DOCK9: variants seen among roughly 807,000 people sequenced by gnomAD.
DOCK9 encodes the protein dedicator of cytokinesis protein 9.
A neutral mutation model predicts 263.3 loss-of-function variants in DOCK9; 89 were observed. The ratio of observed to expected loss-of-function variants is 0.34; its 90% CI spans 0.28 to 0.40. DOCK9 has a LOEUF of 0.40. DOCK9 is among the 10% of genes least tolerant of loss of function. DOCK9 has a pLI of 1.00. For missense variants in DOCK9, 2,140 were observed against 2,603.4 expected (o/e 0.82, Z 3.87); for synonymous variants, 976 against 973.1 (o/e 1.00, Z -0.06).
In DOCK9 at chr13:98,883,840, A is replaced by G; in HGVS notation, c.2442T>C (p.Thr814=). The change falls in exon 22 of 53, where the codon ACT becomes ACC. Residue 814 remains threonine (T), a synonymous_variant. Coordinates refer to ENST00000682017, the MANE Select transcript of DOCK9 (RefSeq NM_001366683.2). ...GAGTATACACTGTAGAAACCAGATG[A>G]GTGGAAATTTTCAGCAGTGGCTTGC... ...DGGKPLLKIS[T]HLVSTVYTQD... 1 of 1,612,584 alleles carries G rather than the reference A, an allele frequency of 6.2e-7. No individual in the cohort carries two copies. The highest frequency in any genetic ancestry group is 8.5e-7 in the Non-Finnish European group (1 of 1,179,412).
chr13:98,823,746 C>A (rs1380694873), intron 45 of DOCK9, among the ~76,000 whole-genome samples: 1 of 152,200 alleles, frequency 6.6e-6, no homozygotes, highest in African/African-American at 2.4e-5. Context: ...AGTTTTATGT[C>A]AAAACTCGCC....
chr13:98,849,902 G>A, intron 36 of DOCK9, 145 bp downstream of exon 36: 1 of 606,718 alleles, frequency 1.6e-6, no homozygotes, highest in Non-Finnish European at 2.9e-6. Flanking sequence ...ATATGTTTTA[G>A]GGCCAAGACC....
At chr13:98,875,054 G>C (rs2094293625) in intron 27 of DOCK9, among the ~76,000 whole-genome samples, 1 of 152,132 alleles carries the variant, frequency 6.6e-6, no homozygotes, top group Admixed American at 6.5e-5. Context: ...GCAAGGCCCA[G>C]GTAAAGTTCC....
Position 98,846,030 on chromosome 13 carries a change from A to G in DOCK9, c.4092T>C (p.His1364=). ...RNQEGLGPIV[H]DRKSQTLPVS... ...CAGGCAATGTCTGAGACTTTCGATC[A>G]TGAACTATGGGTCCCAACCCCTCCT... The change falls in exon 38 of 53, where the codon CAT becomes CAC. Residue 1364 remains histidine (H), a synonymous_variant. Transcript: ENST00000682017. 6.3e-7 allele frequency: 1 copy of G among 1,595,300 alleles called. No homozygotes were observed. The highest frequency in any genetic ancestry group is 8.5e-7 in the Non-Finnish European group (1 of 1,170,178).
At chr13:98,990,513 T>C (rs1879556247) in intron 1 of DOCK9, among the ~76,000 whole-genome samples, 2 of 152,208 alleles carry the variant, frequency 1.3e-5, no homozygotes, top group South Asian at 4.1e-4. Context: ...CTGCAGCACA[T>C]ACTACTACAG....
At chr13:99,017,901 G>A (rs1190571223) in intron 1 of DOCK9, among the ~76,000 whole-genome samples, 2 of 152,178 alleles carry the variant, frequency 1.3e-5, no homozygotes, top group African/African-American at 4.8e-5. Flanking sequence ...AAGAAAAAAG[G>A]TAACTAAGTG....
intron 38 of DOCK9, among the ~76,000 whole-genome samples, chr13:98,841,207 C>G (rs1252461138): frequency 2.6e-5 from 4 of 152,192 alleles, no homozygotes; most frequent in Non-Finnish European, 5.9e-5. Flanking sequence ...CTTGTGGAGA[C>G]ACGGGCTGTA....
intron 37 of DOCK9, 132 bp downstream of exon 37, chr13:98,848,460 G>T: frequency 1.1e-6 from 1 of 873,092 alleles, no homozygotes; most frequent in Non-Finnish European, 1.8e-6. Flanking sequence ...GGCAATCCAA[G>T]GGCCTGCCAT....
upstream of DOCK9, among the ~76,000 whole-genome samples, chr13:98,980,349 T>C (rs1229003513): frequency 6.6e-6 from 1 of 152,268 alleles, no homozygotes; most frequent in African/African-American, 2.4e-5. Flanking sequence ...TATGTAATAC[T>C]GTTATCCTCA....
At chr13:98,797,055 G>A (rs952689721) in intron 52 of DOCK9, 60 bp downstream of exon 52, 6 of 1,590,970 alleles carry the variant, frequency 3.8e-6, no homozygotes, top group Non-Finnish European at 5.2e-6. Flanking sequence ...AGTCATGATA[G>A]GGTGTACTTG....
At chr13:98,922,178 C>T (rs779668426) in intron 5 of DOCK9, 32 bp from the exon 6 acceptor site, 5 of 1,512,010 alleles carry the variant, frequency 3.3e-6, no homozygotes, top group African/African-American at 1.4e-5. Flanking sequence ...AGCAGTCAAC[C>T]TCCCGTTATT....
intron 35 of DOCK9, among the ~76,000 whole-genome samples, chr13:98,853,057 TA>T (rs1362076862): frequency 2.6e-5 from 4 of 152,210 alleles, no homozygotes; most frequent in Non-Finnish European, 5.9e-5. Context: ...TCTGGACGAA[TA>T]AAAATTTTTT....
chr13:98,840,772 T>G (rs1417885911), intron 38 of DOCK9, among the ~76,000 whole-genome samples: 1 of 152,216 alleles, frequency 6.6e-6, no homozygotes, highest in Non-Finnish European at 1.5e-5. Context: ...ACTTCCATGT[T>G]GATAGCCACC....
intron 1 of DOCK9, among the ~76,000 whole-genome samples, chr13:99,075,844 G>A (rs970297141): frequency 1.6e-4 from 25 of 152,044 alleles, no homozygotes; most frequent in African/African-American, 5.6e-4. Flanking sequence ...TAAACTTCAT[G>A]GGCTTAATGG....
At chr13:99,056,141 A>C (rs1298441204) in intron 1 of DOCK9, among the ~76,000 whole-genome samples, 1 of 152,216 alleles carries the variant, frequency 6.6e-6, no homozygotes, top group Non-Finnish European at 1.5e-5. Flanking sequence ...CTGGAAATAT[A>C]TATTTTTTTC....
chr13:98,980,257 A>C (rs1337464610), upstream of DOCK9, among the ~76,000 whole-genome samples: 1 of 152,276 alleles, frequency 6.6e-6, no homozygotes, highest in African/African-American at 2.4e-5. Flanking sequence ...TAAGATATTT[A>C]TTTGACAAAC....
intron 48 of DOCK9, among the ~76,000 whole-genome samples, chr13:98,806,756 A>C (rs1350234892): frequency 6.6e-6 from 1 of 152,068 alleles, no homozygotes; most frequent in Non-Finnish European, 1.5e-5. Context: ...CAAAAATACA[A>C]AAATTAGCCA....
At chr13:99,033,914 C>T (rs1167670244) in intron 1 of DOCK9, among the ~76,000 whole-genome samples, 1 of 152,010 alleles carries the variant, frequency 6.6e-6, no homozygotes, top group Non-Finnish European at 1.5e-5. Flanking sequence ...GATCAAAATG[C>T]CTGGCCAACT....
chr13:98,794,827 A>G (rs1866215178), intron 52 of DOCK9, 79 bp from the exon 53 acceptor site: 2 of 1,503,490 alleles, frequency 1.3e-6, no homozygotes, highest in South Asian at 1.2e-5. Context: ...GTGTGACACA[A>G]TGTTACCAAG....
Sources: allele counts gnomAD v4.1 joint callset (sites outside exome capture counted in the v4.1 genomes callset), GRCh38; gene constraint gnomAD v4.1.1; transcripts MANE v1.5; gene names NCBI Gene and HGNC (gene_info 2026-07-23, HGNC 2026-07-21).